Variants in PCP4 observed in about 807,000 individuals in gnomAD.
PCP4 encodes the protein calmodulin regulator protein PCP4.
Under a neutral mutation model 10.0 loss-of-function variants are expected in PCP4, and 8 were observed. That is an observed-to-expected ratio of 0.80 (90% CI 0.47 to 1.45). The LOEUF is 1.45. Ranked by LOEUF, PCP4 falls within the 40% of genes most tolerant of loss-of-function variation. The pLI, the probability that PCP4 is intolerant of heterozygous loss-of-function variation, is 0.00. For missense variants in PCP4, 54 were observed against 74.4 expected, an observed-to-expected ratio of 0.73 and a Z score of 1.01; for synonymous variants, 21 against 23.0, an observed-to-expected ratio of 0.91 and a Z score of 0.24.
At chr21:39,911,782 A>G (rs1286557729) in intron 2 of PCP4, among the ~76,000 whole-genome samples, 1 of 152,226 alleles carries the variant, frequency 6.6e-6, no homozygotes, top group Non-Finnish European at 1.5e-5. Flanking sequence ...GGAAGAGTTG[A>G]ACCGTAGTTT....
chr21:39,921,725 A>T (rs1216218370), intron 2 of PCP4, among the ~76,000 whole-genome samples: 1 of 152,224 alleles, frequency 6.6e-6, no homozygotes, highest in African/African-American at 2.4e-5. Flanking sequence ...AAAAAGGTGG[A>T]GAGAGGCCTC....
intron 1 of PCP4, among the ~76,000 whole-genome samples, chr21:39,883,237 T>C (rs913899632): frequency 6.6e-6 from 1 of 151,842 alleles, no homozygotes; most frequent in Non-Finnish European, 1.5e-5. Context: ...CTTGGTGGGG[T>C]TGGGGGGTGC....
Position 39,906,350 on chromosome 21 carries a change from A to G in PCP4, c.61+7823A>G, listed in dbSNP as rs1000205757. Among the ~76,000 whole-genome samples, 1 of 152,224 alleles carries G rather than the reference A, an allele frequency of 6.6e-6. No homozygotes were observed. Among genetic ancestry groups the G allele is most frequent in the Non-Finnish European group, 1.5e-5 (1 of 68,038 alleles). Reference sequence around the variant, plus strand: ...TGGGCTACATCTTAGCCAAACCAGAAACTATTGTATCCATAGTACCATTAT... The same window carrying G: ...TGGGCTACATCTTAGCCAAACCAGAGACTATTGTATCCATAGTACCATTAT... On this transcript the variant is annotated intron_variant, in intron 2 of 2. Transcript: ENST00000328619. This position sits in a 1 kb window ranked among gnomAD's most constrained non-coding sequence, Gnocchi z 6.3.
At chr21:39,879,989 C>G (rs145644006) in intron 1 of PCP4, among the ~76,000 whole-genome samples, 1 of 152,282 alleles carries the variant, frequency 6.6e-6, no homozygotes, top group Non-Finnish European at 1.5e-5. Context: ...TGAGGCCAGT[C>G]CTGGGTCAAA....
At position 39,906,466 on chromosome 21, in the gene PCP4, T is replaced by A. The variant is rs2087510499; in HGVS notation, c.61+7939T>A. Among the ~76,000 whole-genome samples the A allele has an allele frequency of 6.6e-6, 1 of 152,192 alleles. No homozygotes were observed. Among genetic ancestry groups the A allele is most frequent in the Non-Finnish European group, 1.5e-5 (1 of 68,030 alleles). The stretch of plus-strand genomic sequence containing the variant: ...CATGATAGTTTTCAAAATTAAAACA[T>A]CAAAGCAACATGTTCATTTATAGCC... On this transcript the variant is annotated intron_variant, in intron 2 of 2. Transcript: ENST00000328619. The surrounding 1 kb of genome is among the most constrained non-coding windows in gnomAD (Gnocchi z 6.3).
chr21:39,911,740 G>A (rs1158876055), intron 2 of PCP4, among the ~76,000 whole-genome samples: 1 of 152,184 alleles, frequency 6.6e-6, no homozygotes, highest in African/African-American at 2.4e-5. Flanking sequence ...TATAAATCCA[G>A]CCTATTGTCA....
At chr21:39,887,804 C>T (rs538463050) in intron 1 of PCP4, among the ~76,000 whole-genome samples, 1 of 152,252 alleles carries the variant, frequency 6.6e-6, no homozygotes, top group South Asian at 2.1e-4. Context: ...TAGTAACAGG[C>T]CTTTTTGTTT....
chr21:39,869,995 A>C (rs1295123510), intron 1 of PCP4, among the ~76,000 whole-genome samples: 1 of 152,184 alleles, frequency 6.6e-6, no homozygotes, highest in Non-Finnish European at 1.5e-5. Flanking sequence ...TGCCTGCTGC[A>C]GAGGCTCCGG....
At chr21:39,898,798 C>G (rs2087469506) in intron 2 of PCP4, among the ~76,000 whole-genome samples, 1 of 152,192 alleles carries the variant, frequency 6.6e-6, no homozygotes, top group Non-Finnish European at 1.5e-5. Context: ...ATCTAGTTCT[C>G]TGCTTTCTTC....
chr21:39,895,201 A>G (rs926730065), intron 1 of PCP4, among the ~76,000 whole-genome samples: 2 of 152,078 alleles, frequency 1.3e-5, no homozygotes, highest in African/African-American at 4.8e-5. Flanking sequence ...TCATCTACCC[A>G]TCCATTCATC....
chr21:39,880,142 A>ATATCTG (rs1568850618), intron 1 of PCP4, among the ~76,000 whole-genome samples: 1 of 109,262 alleles, frequency 9.2e-6, no homozygotes, highest in Non-Finnish European at 1.9e-5. Flanking sequence ...ATCTATATCT[A>ATATCTG]TATCTATATC....
chr21:39,904,978 G>A (rs1182519265), intron 2 of PCP4, among the ~76,000 whole-genome samples: 1 of 152,152 alleles, frequency 6.6e-6, no homozygotes, highest in Non-Finnish European at 1.5e-5. Context: ...AGACAGCACT[G>A]GCTGTGAAAA....
At chr21:39,914,700 C>T (rs1392209667) in intron 2 of PCP4, among the ~76,000 whole-genome samples, 1 of 151,840 alleles carries the variant, frequency 6.6e-6, no homozygotes, top group East Asian at 1.9e-4. Flanking sequence ...AATTGATGTT[C>T]CTTTGAGACT....
At chr21:39,889,451 C>T (rs973136939) in intron 1 of PCP4, among the ~76,000 whole-genome samples, 1 of 121,772 alleles carries the variant, frequency 8.2e-6, no homozygotes, top group African/African-American at 3.2e-5. Context: ...GAGTCTTGCT[C>T]TGTCACCCAG....
chr21:39,929,120 C>A lies in PCP4; in HGVS notation c.*9C>A, dbSNP rs751471488. The A allele has an allele frequency of 5.0e-6, 8 of 1,608,130 alleles. No individual in the cohort carries two copies. In the East Asian group the frequency reaches 1.8e-4, roughly 36 times the overall value. Reference sequence around the variant, plus strand: ...CTGGGTCTCAGTCCTAGTGGGAGAACCCCCTCCTAGTCCACCTGAAAACAC... The same window carrying A: ...CTGGGTCTCAGTCCTAGTGGGAGAAACCCCTCCTAGTCCACCTGAAAACAC... On this transcript the variant is annotated 3_prime_UTR_variant, in exon 3 of 3. Coordinates refer to ENST00000328619, the MANE Select transcript of PCP4 (RefSeq NM_006198.3).
chr21:39,927,825 G>A (rs2087632242), intron 2 of PCP4, among the ~76,000 whole-genome samples: 1 of 152,144 alleles, frequency 6.6e-6, no homozygotes, highest in Non-Finnish European at 1.5e-5. Flanking sequence ...TTTAAAAGAA[G>A]TGTAGATGTC....
intron 1 of PCP4, among the ~76,000 whole-genome samples, chr21:39,897,319 C>T (rs9680224): frequency 0.038 from 5,618 of 146,076 alleles, 126 homozygotes; most frequent in African/African-American, 0.054. Flanking sequence ...ACCTGGGAGG[C>T]GGAGGTTGCA....
intron 2 of PCP4, among the ~76,000 whole-genome samples, chr21:39,911,721 T>G (rs928065568): frequency 7.9e-5 from 12 of 152,246 alleles, no homozygotes; most frequent in African/African-American, 2.7e-4. Context: ...AAGCCTCACT[T>G]GTCTTTTCTA....
At chr21:39,885,335 C>G (rs991797494) in intron 1 of PCP4, among the ~76,000 whole-genome samples, 1 of 152,194 alleles carries the variant, frequency 6.6e-6, no homozygotes, top group East Asian at 1.9e-4. Context: ...TAAGAAGCAA[C>G]GAGCCTGAGG....
Sources: gnomAD v4.1 joint callset for allele counts (sites outside exome capture counted in the v4.1 genomes callset) on GRCh38, gnomAD v4.1.1 for gene constraint, Gnocchi (gnomAD v3.1) non-coding constraint, MANE v1.5 for transcripts, NCBI Gene and HGNC (gene_info 2026-07-23, HGNC 2026-07-21) for gene names.